The following PRAG1 variants were observed in gnomAD, a reference collection of about 807,000 sequenced individuals.
PRAG1 encodes PEAK1 related, kinase-activating pseudokinase 1, also known as inactive tyrosine-protein kinase PRAG1.
In PRAG1, 110 loss-of-function variants were observed where a neutral mutation model predicts 95.6. The observed-to-expected ratio is 1.15, with a 90% CI of 0.99 to 1.35. The LOEUF (loss-of-function observed/expected upper bound fraction) is 1.35, where lower values mean the gene tolerates loss of function less well. PRAG1 is among the 40% of genes most tolerant of loss of function. PRAG1 has a pLI of 0.00. For synonymous variants in PRAG1, 1,052 were observed against 819.4 expected, an observed-to-expected ratio of 1.28 and a Z score of -4.85; for missense variants, 2,554 against 1,864.7, an observed-to-expected ratio of 1.37 and a Z score of -6.81.
At chr8:8,384,212 C>T (rs182313267) in intron 1 of PRAG1, among the ~76,000 whole-genome samples, 27 of 152,228 alleles carry the variant, frequency 1.8e-4, no homozygotes, top group Admixed American at 7.2e-4. Flanking sequence ...GCCTCCTCAA[C>T]AGGCAAGTAA....
At chr8:8,345,041 C>T (rs931226262) in intron 3 of PRAG1, among the ~76,000 whole-genome samples, 4 of 119,570 alleles carry the variant, frequency 3.3e-5, no homozygotes, top group Admixed American at 1.6e-4. Flanking sequence ...ATAAATTATC[C>T]GCAGGGTGTG....
Position 8,318,899 on chromosome 8 carries a change from T to C in PRAG1, c.3476A>G (p.Gln1159Arg). ...GGCGGGGGCGGGCCCGGGGCCGGCC[T>C]GGAGGGTGCAGTGCACCAGCAGCAG... Reference protein sequence around the residue: ...ENLLLVHCTLQAGPGPAPAPA... With the variant: ...ENLLLVHCTLRAGPGPAPAPA... Residue 1159 changes from glutamine (Q) to arginine (R), a missense_variant, in exon 6 of 6, where the codon CAG (glutamine) becomes CGG (arginine). Gln to Arg is a conservative substitution (Grantham distance 43). Coordinates refer to ENST00000615670, the MANE Select transcript of PRAG1 (RefSeq NM_001080826.3). The surrounding 1 kb of genome is among the most constrained non-coding windows in gnomAD (Gnocchi z 4.2). The C allele has an allele frequency of 1.3e-6, 2 of 1,573,566 alleles. No homozygotes were observed. Among genetic ancestry groups the C allele is most frequent in the South Asian group, 1.1e-5 (1 of 87,552 alleles).
chr8:8,369,893 G>T (rs1275178267), intron 3 of PRAG1, among the ~76,000 whole-genome samples: 2 of 152,040 alleles, frequency 1.3e-5, no homozygotes, highest in Non-Finnish European at 2.9e-5. Context: ...GGGAATCAAA[G>T]CAGGGGTCAA....
At chr8:8,385,322 T>C (rs769477967) in intron 1 of PRAG1, among the ~76,000 whole-genome samples, 13 of 152,122 alleles carry the variant, frequency 8.5e-5, no homozygotes, top group Non-Finnish European at 1.5e-5. Context: ...GAGGGTAAAT[T>C]ACGATATTCA....
chr8:8,368,073 T>C (rs375352209), intron 3 of PRAG1, among the ~76,000 whole-genome samples: 1 of 152,258 alleles, frequency 6.6e-6, no homozygotes, highest in South Asian at 2.1e-4. Context: ...GTTTAGGTTT[T>C]AGACTTTAGA....
chr8:8,334,270 C>T (rs56735175), intron 4 of PRAG1, among the ~76,000 whole-genome samples: 2 of 151,926 alleles, frequency 1.3e-5, no homozygotes, highest in African/African-American at 4.8e-5. Flanking sequence ...AACCCTGTCT[C>T]TACTAAAAAT....
In PRAG1 at chr8:8,319,251, G is replaced by T. The variant is rs778928440; in HGVS notation, c.3124C>A (p.Pro1042Thr). 2.1e-5 allele frequency: 33 copies of T among 1,541,150 alleles called. No individual in the cohort carries two copies. In the South Asian group the frequency reaches 4.1e-4, roughly 19 times the overall value. Residue 1042 changes from proline to threonine, a missense_variant, in exon 6 of 6, where the codon CCC becomes ACC. Coordinates refer to ENST00000615670, the MANE Select transcript of PRAG1 (RefSeq NM_001080826.3). Reference protein sequence around the residue: ...KTVSYCSPSVPVHFNIQQDCG... With the variant: ...KTVSYCSPSVTVHFNIQQDCG... ...TCCTGCTGGATGTTAAAGTGCACGG[G>T]CACGGACGGGCTGCAGTAGGAGACT...
Position 8,381,648 on chromosome 8 carries a change from A to G in PRAG1, c.100T>C (p.Phe34Leu). The change falls in exon 2 of 6, where the codon TTC (phenylalanine) becomes CTC (leucine). Residue 34 changes from phenylalanine (F) to leucine (L), a missense_variant. Physicochemically the swap from Phe to Leu is conservative, Grantham distance 22 (BLOSUM62 0). Transcript: ENST00000615670. ...IWKPGSCKNC[F>L]CLRSDHQLVA... ...AGCTGGTGGTCGCTCCGCAGGCAGA[A>G]GCAGTTCTTGCAGGACCCGGGTTTC... 6.2e-7 allele frequency: 1 copy of G among 1,613,946 alleles called. No individual in the cohort carries two copies. The highest frequency in any genetic ancestry group is 1.3e-5 in the African/African-American group (1 of 75,030).
intron 3 of PRAG1, among the ~76,000 whole-genome samples, chr8:8,371,561 G>T (rs1035670326): frequency 6.6e-6 from 1 of 152,026 alleles, no homozygotes; most frequent in African/African-American, 2.4e-5. Context: ...GCCCGACCAT[G>T]AGTGATAACT....
chr8:8,344,958 A>T (rs1318200320), intron 3 of PRAG1, among the ~76,000 whole-genome samples: 2 of 152,106 alleles, frequency 1.3e-5, no homozygotes, highest in African/African-American at 4.8e-5. Context: ...TAGTTACTAT[A>T]GCAGAAGTCA....
chr8:8,324,708 A>T (rs978462407), intron 5 of PRAG1, among the ~76,000 whole-genome samples: 2 of 152,184 alleles, frequency 1.3e-5, no homozygotes, highest in African/African-American at 4.8e-5. Flanking sequence ...TAAACTTTGG[A>T]GTCAGGGCCT....
At position 8,377,010 on chromosome 8, in the gene PRAG1, T is replaced by G. The variant is rs750150513; in HGVS notation, c.1399A>C (p.Thr467Pro). The G allele has an allele frequency of 6.2e-7, 1 of 1,613,480 alleles. No individual in the cohort carries two copies. The highest frequency in any genetic ancestry group is 1.6e-4 in the Middle Eastern group (1 of 6,084). Reference protein sequence around the residue: ...SGWGRDSPDPTPQVSATITVM... With the variant: ...SGWGRDSPDPPPQVSATITVM... ...GTGATGGTGGCTGACACCTGGGGAG[T>G]TGGGTCTGGGCTGTCCCGGCCCCAG... is the stretch of plus-strand genomic sequence containing the variant. Residue 467 changes from threonine (T) to proline (P), a missense_variant, in exon 3 of 6, where the codon ACT becomes CCT. Coordinates refer to ENST00000615670, the MANE Select transcript of PRAG1 (RefSeq NM_001080826.3).
chr8:8,350,395 C>G (rs530909296), intron 3 of PRAG1, among the ~76,000 whole-genome samples: 22 of 152,316 alleles, frequency 1.4e-4, no homozygotes, highest in African/African-American at 5.1e-4. Flanking sequence ...ACAACGTGTT[C>G]CAACTCATGG....
intron 4 of PRAG1, among the ~76,000 whole-genome samples, chr8:8,336,183 C>T: frequency 6.6e-6 from 1 of 152,178 alleles, no homozygotes; most frequent in Non-Finnish European, 1.5e-5. Context: ...CTAATCTTCT[C>T]TAATCTCCAG....
chr8:8,339,756 A>C, intron 3 of PRAG1, 121 bp from the exon 4 acceptor site: 1 of 968,522 alleles, frequency 1.0e-6, no homozygotes, highest in Non-Finnish European at 1.5e-6. Context: ...AGTTTATTAA[A>C]AGAAAAAAAA....
chr8:8,360,855 T>A (rs1037929744), intron 3 of PRAG1, among the ~76,000 whole-genome samples: 1 of 152,220 alleles, frequency 6.6e-6, no homozygotes, highest in Non-Finnish European at 1.5e-5. Context: ...TCATATTATC[T>A]CAGTGGGTGG....
In PRAG1 at chr8:8,377,349, T is replaced by A. The variant is rs782693258; in HGVS notation, c.1060A>T (p.Ser354Cys). The change falls in exon 3 of 6, where the codon AGT becomes TGT. Residue 354 changes from serine to cysteine, a missense_variant. Physicochemically the swap from Ser to Cys is moderately radical, Grantham distance 112. Coordinates refer to ENST00000615670, the MANE Select transcript of PRAG1 (RefSeq NM_001080826.3). The stretch of plus-strand genomic sequence containing the variant: ...TCGAGGTGGGGGACGAAGGGGCTAC[T>A]GGCGCCGCTGCCGCTGCCGCTGCCG... ...GSGSGSGSGA[S>C]SPFVPHLESD... is the part of the protein sequence containing the mutation. The A allele has an allele frequency of 1.5e-5, 24 of 1,578,494 alleles. No individual in the cohort carries two copies. The African/African-American group carries it at 3.0e-4, about 20-fold the overall frequency.
At chr8:8,332,943 A>T (rs1798869865) in intron 4 of PRAG1, among the ~76,000 whole-genome samples, 1 of 152,244 alleles carries the variant, frequency 6.6e-6, no homozygotes, top group Admixed American at 6.5e-5. Flanking sequence ...TGGAAATAAC[A>T]GGGAACAAAT....
intron 3 of PRAG1, among the ~76,000 whole-genome samples, chr8:8,355,739 C>G (rs778227408): frequency 3.3e-5 from 5 of 151,806 alleles, no homozygotes; most frequent in Non-Finnish European, 7.4e-5. Context: ...CAGAATGAAA[C>G]TGAACCCTTA....
Sources: allele counts gnomAD v4.1 joint callset (sites outside exome capture counted in the v4.1 genomes callset), GRCh38; gene constraint gnomAD v4.1.1; non-coding constraint Gnocchi (gnomAD v3.1); transcripts MANE v1.5; gene names NCBI Gene and HGNC (gene_info 2026-07-23, HGNC 2026-07-21).